Variants in PPP3CA observed in about 807,000 individuals in gnomAD.
The protein encoded by PPP3CA is protein phosphatase 3 catalytic subunit alpha, also known as CAM-PRP catalytic subunit.
In PPP3CA, 14 loss-of-function variants were observed where a neutral mutation model predicts 66.5. The ratio of observed to expected loss-of-function variants is 0.21; its 90% CI spans 0.14 to 0.33. The LOEUF is 0.33. Among genes scored for constraint, PPP3CA ranks in the 10% least tolerant of loss-of-function variants. The pLI is 1.00. For missense variants in PPP3CA, 317 were observed against 639.5 expected (o/e 0.50, Z 5.44); for synonymous variants, 232 against 226.2 (o/e 1.03, Z -0.23).
chr4:101,260,147 C>T (rs997727019), intron 1 of PPP3CA, among the ~76,000 whole-genome samples: 9 of 152,046 alleles, frequency 5.9e-5, no homozygotes, highest in African/African-American at 1.2e-4. Context: ...CGGGGCAAAT[C>T]GTATCAACGA....
chr4:101,122,227 A>G (rs918009517), intron 2 of PPP3CA, among the ~76,000 whole-genome samples: 1 of 152,224 alleles, frequency 6.6e-6, no homozygotes, highest in Non-Finnish European at 1.5e-5. Flanking sequence ...TCTTTGGAAT[A>G]GTGAGAGGAA....
chr4:101,081,126 A>C (rs867401479), intron 7 of PPP3CA, among the ~76,000 whole-genome samples: 2 of 152,146 alleles, frequency 1.3e-5, no homozygotes, highest in Non-Finnish European at 2.9e-5. Context: ...TTTAAGAAGA[A>C]TGTCCCCTTA....
intron 2 of PPP3CA, among the ~76,000 whole-genome samples, chr4:101,114,267 T>TA (rs1346387108): frequency 1.3e-5 from 2 of 152,092 alleles, no homozygotes; most frequent in African/African-American, 4.8e-5. Flanking sequence ...TTTAGAGAGT[T>TA]ATAGCATTTA....
chr4:101,226,044 G>T (rs1725771962), intron 1 of PPP3CA, among the ~76,000 whole-genome samples: 2 of 151,714 alleles, frequency 1.3e-5, no homozygotes, highest in East Asian at 3.9e-4. Context: ...CTGAAAATTT[G>T]AATCTAATAT....
At chr4:101,260,938 A>C (rs1726990740) in intron 1 of PPP3CA, among the ~76,000 whole-genome samples, 2 of 152,284 alleles carry the variant, frequency 1.3e-5, no homozygotes, top group East Asian at 1.9e-4. Flanking sequence ...AGTTCTTAAA[A>C]GAAAGGATAC....
Position 101,024,639 on chromosome 4 carries a change from C to T in PPP3CA, c.*1226G>A, listed in dbSNP as rs1051727893. 4 of 152,568 alleles carry T rather than the reference C, an allele frequency of 2.6e-5. No homozygotes were observed. The highest frequency in any genetic ancestry group is 6.5e-5 in the Admixed American group (1 of 15,280). 9.5% of individuals were successfully genotyped at this position (152,568 alleles called of 1,614,324 possible). A position where few individuals can be genotyped will look rare whatever the true frequency, so the allele number is the denominator to read the frequency against. ...TAAACTGTTATGACATTAACAGTTG[C>T]CATGCATTTAGAGTTTCACATGTAA... On this transcript the variant is annotated 3_prime_UTR_variant, in exon 14 of 14. Transcript: ENST00000394854.
chr4:101,186,823 T>C (rs993008773), intron 2 of PPP3CA, among the ~76,000 whole-genome samples: 5 of 152,106 alleles, frequency 3.3e-5, no homozygotes, highest in Non-Finnish European at 1.5e-5. Context: ...TTATAAGGTG[T>C]CTATACTTCT....
chr4:101,244,925 A>G (rs2110237762), intron 1 of PPP3CA, among the ~76,000 whole-genome samples: 1 of 152,306 alleles, frequency 6.6e-6, no homozygotes, highest in East Asian at 1.9e-4. Flanking sequence ...AAGTCATTTC[A>G]AAGCTATTTC....
chr4:101,030,556 G>C lies in PPP3CA; in HGVS notation c.1340-1361C>G, dbSNP rs182727620. On this transcript the variant is annotated intron_variant, in intron 12 of 13. Coordinates refer to ENST00000394854, the MANE Select transcript of PPP3CA (RefSeq NM_000944.5). ...TATGTGTATGTGTGTTTGTGTGTAG[G>C]TTGAACCATAGAAAAACACAAACCA... Among the ~76,000 whole-genome samples the C allele has an allele frequency of 6.6e-5, 10 of 152,144 alleles. No individual in the cohort carries two copies. In the East Asian group the frequency reaches 9.7e-4, roughly 15 times the overall value.
chr4:101,184,348 T>C (rs1724339128), intron 2 of PPP3CA, among the ~76,000 whole-genome samples: 1 of 152,194 alleles, frequency 6.6e-6, no homozygotes, highest in Non-Finnish European at 1.5e-5. Flanking sequence ...CGGCTGCATT[T>C]ACTAAGGCTC....
At chr4:101,126,070 C>T (rs1281651574) in intron 2 of PPP3CA, among the ~76,000 whole-genome samples, 3 of 152,166 alleles carry the variant, frequency 2.0e-5, no homozygotes, top group Middle Eastern at 3.2e-3. Context: ...AAATGAAATT[C>T]ATATGCTGAG....
At chr4:101,346,490 C>G (rs1040307798) in intron 1 of PPP3CA, among the ~76,000 whole-genome samples, 33 of 152,044 alleles carry the variant, frequency 2.2e-4, no homozygotes, top group Non-Finnish European at 3.2e-4. Flanking sequence ...GCGGCTCAGC[C>G]ATTTGCCAAC....
intron 10 of PPP3CA, among the ~76,000 whole-genome samples, chr4:101,047,507 C>T (rs1441762735): frequency 6.6e-6 from 1 of 152,060 alleles, no homozygotes. Context: ...GAGAAAAGTC[C>T]GTGAATAAAA....
intron 1 of PPP3CA, among the ~76,000 whole-genome samples, chr4:101,344,171 C>G (rs1193379566): frequency 6.6e-6 from 1 of 152,138 alleles, no homozygotes; most frequent in African/African-American, 2.4e-5. Context: ...GGTTTCTAAA[C>G]TCCATATTAT....
intron 2 of PPP3CA, among the ~76,000 whole-genome samples, chr4:101,155,696 A>T (rs1723296572): frequency 6.6e-6 from 1 of 152,188 alleles, no homozygotes; most frequent in Admixed American, 6.5e-5. Context: ...TTAAGTTCCC[A>T]CTTTGGGAAG....
chr4:101,169,596 G>T (rs894031178), intron 2 of PPP3CA, among the ~76,000 whole-genome samples: 2 of 152,084 alleles, frequency 1.3e-5, no homozygotes, highest in African/African-American at 4.8e-5. Context: ...CAGGCCTAAA[G>T]AAAGAGACAG....
At chr4:101,085,535 G>A (rs2110242576) in intron 6 of PPP3CA, among the ~76,000 whole-genome samples, 1 of 152,280 alleles carries the variant, frequency 6.6e-6, no homozygotes, top group East Asian at 1.9e-4. Context: ...AGCATTAAGT[G>A]AGGAGTATTT....
chr4:101,090,022 G>A (rs750105999), intron 6 of PPP3CA, among the ~76,000 whole-genome samples: 1 of 152,168 alleles, frequency 6.6e-6, no homozygotes, highest in Admixed American at 6.5e-5. Context: ...ATAAAACTGA[G>A]AGCTGTGGAT....
intron 1 of PPP3CA, among the ~76,000 whole-genome samples, chr4:101,329,755 C>CACTTTGTT (rs944311728): frequency 6.6e-6 from 1 of 152,028 alleles, no homozygotes; most frequent in African/African-American, 2.4e-5. Flanking sequence ...GCCTGTGCTC[C>CACTTTGTT]GTAAGTGGAA....
Sources: allele counts gnomAD v4.1 joint callset (sites outside exome capture counted in the v4.1 genomes callset), GRCh38; gene constraint gnomAD v4.1.1; transcripts MANE v1.5; gene names NCBI Gene and HGNC (gene_info 2026-07-23, HGNC 2026-07-21).